Variants in RPH3A observed in about 807,000 individuals in gnomAD.
RPH3A encodes rabphilin-3A.
In RPH3A, 48 loss-of-function variants were observed where a neutral mutation model predicts 102.2. The ratio of observed to expected loss-of-function variants is 0.47; its 90% CI spans 0.37 to 0.60. The LOEUF (loss-of-function observed/expected upper bound fraction) is 0.60, where lower values mean the gene tolerates loss of function less well. RPH3A is among the 20% of genes least tolerant of loss of function. The pLI, the probability that RPH3A is intolerant of heterozygous loss-of-function variation, is 0.00. For missense variants in RPH3A, 781 were observed against 910.1 expected, an observed-to-expected ratio of 0.86 and a Z score of 1.83; for synonymous variants, 310 against 324.3, an observed-to-expected ratio of 0.96 and a Z score of 0.47.
intron 1 of RPH3A, among the ~76,000 whole-genome samples, chr12:112,640,038 T>A (rs2039875680): frequency 6.6e-6 from 1 of 151,978 alleles, no homozygotes; most frequent in Non-Finnish European, 1.5e-5. Context: ...GGGCTCTGGC[T>A]GGCCAGGCAT....
At chr12:112,763,220 A>G (rs562348158) in intron 1 of RPH3A, among the ~76,000 whole-genome samples, 1 of 152,348 alleles carries the variant, frequency 6.6e-6, no homozygotes, top group East Asian at 1.9e-4. Context: ...TGCCTAGGAC[A>G]TGGTGTGCAT....
In RPH3A at chr12:112,634,369, C is replaced by A. The variant is rs2039832651; in HGVS notation, c.-140+59050C>A. Among the ~76,000 whole-genome samples, 3 of 10,316 alleles carry A rather than the reference C, an allele frequency of 2.9e-4. 1 individual carries two copies. The South Asian group carries it at 4.0e-3, about 14-fold the overall frequency. The allele number at this position is 10,316 out of a possible 152,430, so 6.8% of individuals were successfully genotyped here. On this transcript the variant is annotated intron_variant, in intron 1 of 21. Coordinates refer to the RPH3A transcript ENST00000543106. ...TCTCAAAAACAAAAAAAAAACAAAA[C>A]AAAAAAACAAACAAACAAACAAACA...
chr12:112,674,835 T>C (rs1475561783), intron 1 of RPH3A, among the ~76,000 whole-genome samples: 2 of 152,294 alleles, frequency 1.3e-5, no homozygotes, highest in African/African-American at 4.8e-5. Flanking sequence ...TAGAAAGTTA[T>C]AAGCAGGGGT....
intron 2 of RPH3A, among the ~76,000 whole-genome samples, chr12:112,822,442 A>G (rs565474943): frequency 6.6e-6 from 1 of 152,322 alleles, no homozygotes; most frequent in Admixed American, 6.5e-5. Context: ...TGTTTTTTCC[A>G]TTCAACTACA....
At chr12:112,680,605 C>A (rs1357790408) in intron 1 of RPH3A, among the ~76,000 whole-genome samples, 3 of 152,158 alleles carry the variant, frequency 2.0e-5, no homozygotes, top group African/African-American at 7.2e-5. Flanking sequence ...CCATTCCCAT[C>A]CCACCACCTC....
At chr12:112,870,804 G>A (rs1409147445) in intron 10 of RPH3A, among the ~76,000 whole-genome samples, 2 of 152,034 alleles carry the variant, frequency 1.3e-5, no homozygotes, top group African/African-American at 2.4e-5. Flanking sequence ...TTCATAATCT[G>A]CCCAGACCTC....
At chr12:112,587,265 G>A (rs56390875) in intron 1 of RPH3A, among the ~76,000 whole-genome samples, 5 of 152,294 alleles carry the variant, frequency 3.3e-5, no homozygotes, top group African/African-American at 9.6e-5. Context: ...TAGAGAAAGA[G>A]GTAATAAAAA....
chr12:112,661,454 G>A (rs1792361438), intron 1 of RPH3A, among the ~76,000 whole-genome samples: 1 of 152,202 alleles, frequency 6.6e-6, no homozygotes, highest in Non-Finnish European at 1.5e-5. Flanking sequence ...GGAAATTTGT[G>A]TAGAGGACCT....
intron 2 of RPH3A, among the ~76,000 whole-genome samples, chr12:112,794,549 G>T (rs536858823): frequency 1.2e-4 from 19 of 152,246 alleles, no homozygotes; most frequent in Middle Eastern, 3.4e-3. Flanking sequence ...GCACTTGAAG[G>T]CTCCAAAGAG....
At chr12:112,767,961 G>A (rs986182860) in intron 1 of RPH3A, among the ~76,000 whole-genome samples, 7 of 152,150 alleles carry the variant, frequency 4.6e-5, no homozygotes, top group Admixed American at 4.6e-4. Flanking sequence ...GGGGCTGTGA[G>A]GAGAATGGGG....
chr12:112,832,816 T>G (rs1330500758), intron 3 of RPH3A, among the ~76,000 whole-genome samples: 1 of 152,180 alleles, frequency 6.6e-6, no homozygotes, highest in Non-Finnish European at 1.5e-5. Flanking sequence ...ACACTCCAGC[T>G]TGGGTAACAG....
At chr12:112,646,668 G>A (rs1423911444) in intron 1 of RPH3A, among the ~76,000 whole-genome samples, 2 of 152,210 alleles carry the variant, frequency 1.3e-5, no homozygotes, top group Non-Finnish European at 2.9e-5. Flanking sequence ...CTAGCTGTGT[G>A]ACTTTGGAAA....
chr12:112,842,196 G>A lies in RPH3A; in HGVS notation c.84-5500G>A, dbSNP rs115676796. On this transcript the variant is annotated intron_variant, in intron 4 of 21. Coordinates refer to ENST00000389385, the MANE Select transcript of RPH3A (RefSeq NM_001143854.2). ...TTCAGATTCAGTGCCCACTATATGT[G>A]CAGTGCTATTAGGTAATTTTTCACT... 5.0e-3 allele frequency among the ~76,000 whole-genome samples: 760 copies of A among 152,306 alleles called. 4 individuals are homozygous for A. The highest frequency in any genetic ancestry group is 0.017 in the African/African-American group (720 of 41,570).
At chr12:112,791,033 T>C (rs1458538025), upstream of RPH3A, 1 of 152,204 alleles carries the variant, frequency 6.6e-6, no homozygotes, top group East Asian at 1.9e-4. Flanking sequence ...CTTGGAAACA[T>C]TAAATGACTT....
At chr12:112,891,151 C>T (rs1000602842) in intron 19 of RPH3A, 148 bp downstream of exon 19, 26 of 838,780 alleles carry the variant, frequency 3.1e-5, no homozygotes, top group Non-Finnish European at 4.4e-5. Flanking sequence ...AAACAAATGC[C>T]TACAACTGGC....
chr12:112,827,173 A>G (rs2041892046), intron 2 of RPH3A, among the ~76,000 whole-genome samples: 1 of 152,210 alleles, frequency 6.6e-6, no homozygotes, highest in Non-Finnish European at 1.5e-5. Flanking sequence ...CATCAACTTT[A>G]GAATATTTTC....
At chr12:112,853,474 T>A (rs2042357663) in intron 5 of RPH3A, among the ~76,000 whole-genome samples, 1 of 152,246 alleles carries the variant, frequency 6.6e-6, no homozygotes, top group African/African-American at 2.4e-5. Flanking sequence ...TCTCAGGGAT[T>A]GGACCAGTGC....
chr12:112,766,689 T>G (rs7138867), intron 1 of RPH3A, among the ~76,000 whole-genome samples: 3 of 151,838 alleles, frequency 2.0e-5, no homozygotes, highest in African/African-American at 7.3e-5. Flanking sequence ...TCAGTCATGG[T>G]TTAAGGGAAC....
intron 3 of RPH3A, among the ~76,000 whole-genome samples, chr12:112,830,470 A>G (rs1264601748): frequency 6.6e-6 from 1 of 152,218 alleles, no homozygotes; most frequent in East Asian, 1.9e-4. Context: ...ATGCTCAATG[A>G]GTACATAAGA....
Sources: allele counts gnomAD v4.1 joint callset (sites outside exome capture counted in the v4.1 genomes callset), GRCh38; gene constraint gnomAD v4.1.1; transcripts MANE v1.5; gene names NCBI Gene and HGNC (gene_info 2026-07-23, HGNC 2026-07-21).